The following AGMO variants were observed in gnomAD, a reference collection of about 807,000 sequenced individuals.
AGMO encodes alkylglycerol monooxygenase.
In AGMO, 75 loss-of-function variants were observed where a neutral mutation model predicts 60.2. That is an observed-to-expected ratio of 1.25 (90% CI 1.03 to 1.51). The LOEUF (loss-of-function observed/expected upper bound fraction) is 1.51. AGMO is among the 40% of genes most tolerant of loss of function. The pLI, the probability that AGMO is intolerant of heterozygous loss-of-function variation, is 0.00. For synonymous variants in AGMO, 261 were observed against 177.1 expected (o/e 1.47, Z -3.76); for missense variants, 763 against 525.5 (o/e 1.45, Z -4.42).
At chr7:15,323,146 T>A (rs1483835808) in intron 12 of AGMO, among the ~76,000 whole-genome samples, 2 of 151,940 alleles carry the variant, frequency 1.3e-5, no homozygotes, top group African/African-American at 4.8e-5. Flanking sequence ...GACTTCTTTA[T>A]AATTTCCAAT....
chr7:15,456,029 A>C (rs1005124633), intron 3 of AGMO, among the ~76,000 whole-genome samples: 1 of 152,058 alleles, frequency 6.6e-6, no homozygotes, highest in Non-Finnish European at 1.5e-5. Context: ...GGAGAAAAAC[A>C]TGTTGGCTAT....
chr7:15,376,757 C>A (rs1164226764), intron 10 of AGMO, among the ~76,000 whole-genome samples: 1 of 151,936 alleles, frequency 6.6e-6, no homozygotes, highest in African/African-American at 2.4e-5. Flanking sequence ...ATGATATCAC[C>A]CCAGGAAGTG....
chr7:15,439,652 G>C (rs1007182173), intron 3 of AGMO, among the ~76,000 whole-genome samples: 1 of 152,088 alleles, frequency 6.6e-6, no homozygotes. Flanking sequence ...CTTGTTCTTT[G>C]AGCATCACTG....
At chr7:15,230,032 T>C (rs1782212068) in intron 12 of AGMO, among the ~76,000 whole-genome samples, 3 of 151,918 alleles carry the variant, frequency 2.0e-5, no homozygotes, top group Non-Finnish European at 1.5e-5. Context: ...TTTACATTAA[T>C]TTCTTATTTT....
Position 15,255,026 on chromosome 7 carries a change from C to G in AGMO, c.1264-53667G>C, listed in dbSNP as rs567365888. Among the ~76,000 whole-genome samples, 6 of 149,446 alleles carry G rather than the reference C, an allele frequency of 4.0e-5. No homozygotes were observed. In the East Asian group the frequency reaches 1.2e-3, roughly 30 times the overall value. On this transcript the variant is annotated intron_variant, in intron 12 of 12. Coordinates refer to ENST00000342526, the MANE Select transcript of AGMO (RefSeq NM_001004320.2). The stretch of plus-strand genomic sequence containing the variant: ...ATATACACCATGGAATACTATGCAG[C>G]CATAAAAAAAGATGAGTTCATGTCC...
chr7:15,289,546 G>C (rs1784195454), intron 12 of AGMO, among the ~76,000 whole-genome samples: 1 of 141,984 alleles, frequency 7.0e-6, no homozygotes, highest in Non-Finnish European at 1.5e-5. Flanking sequence ...CTCCAAAAAA[G>C]AAATTTAAAG....
chr7:15,309,018 A>G (rs1780690675), intron 12 of AGMO, among the ~76,000 whole-genome samples: 1 of 152,130 alleles, frequency 6.6e-6, no homozygotes, highest in Admixed American at 6.6e-5. Flanking sequence ...TACTCATGCA[A>G]TTATCCCAAG....
chr7:15,538,729 TTC>T (rs1784542693), intron 3 of AGMO, among the ~76,000 whole-genome samples: 1 of 152,220 alleles, frequency 6.6e-6, no homozygotes, highest in South Asian at 2.1e-4. Flanking sequence ...TCTGTTTATT[TTC>T]TTTTTTAAAC....
At chr7:15,397,055 G>C (rs1049095008) in intron 5 of AGMO, among the ~76,000 whole-genome samples, 1 of 152,062 alleles carries the variant, frequency 6.6e-6, no homozygotes, top group South Asian at 2.1e-4. Flanking sequence ...GTCACCACCG[G>C]TCCCAGAAGC....
chr7:15,520,335 G>A lies in AGMO; in HGVS notation c.409+24437C>T, dbSNP rs188176937. ...ATATTCAGGTTGTGAACTCAGCTCT[G>A]CATCAAGCAGACCTAATAGACATCT... On this transcript the variant is annotated intron_variant, in intron 3 of 12. Transcript: ENST00000342526. Among the ~76,000 whole-genome samples, 1,374 of 152,248 alleles carry A rather than the reference G, an allele frequency of 9.0e-3. 22 individuals carry two copies. Among genetic ancestry groups the A allele is most frequent in the African/African-American group, 0.031 (1,298 of 41,540 alleles).
At chr7:15,121,646 A>T in the AGMO span, among the ~76,000 whole-genome samples, 1 of 152,126 alleles carries the variant, frequency 6.6e-6, no homozygotes, top group South Asian at 2.1e-4. Context: ...TAAAAGAACA[A>T]AGCTGGAGGC....
intron 3 of AGMO, among the ~76,000 whole-genome samples, chr7:15,504,779 T>TA (rs77098444): frequency 0.029 from 3,335 of 116,450 alleles, 73 homozygotes; most frequent in African/African-American, 0.064. Flanking sequence ...CTAGTTAAAA[T>TA]AAAAAAAAAA....
chr7:15,546,924 G>C (rs915882965), intron 2 of AGMO, among the ~76,000 whole-genome samples: 6 of 152,138 alleles, frequency 3.9e-5, no homozygotes, highest in Admixed American at 3.3e-4. Flanking sequence ...AACGTTTACT[G>C]AAACTATGAA....
chr7:15,267,443 A>G (rs1015528915), intron 12 of AGMO, among the ~76,000 whole-genome samples: 37 of 152,160 alleles, frequency 2.4e-4, no homozygotes, highest in African/African-American at 8.7e-4. Context: ...AAAATGCATC[A>G]GAATGATTAC....
chr7:15,247,805 A>T (rs936621752), intron 12 of AGMO, among the ~76,000 whole-genome samples: 3 of 151,956 alleles, frequency 2.0e-5, no homozygotes, highest in African/African-American at 7.3e-5. Flanking sequence ...ACCAAACCAT[A>T]CTAGACAATG....
chr7:15,351,653 T>C (rs1272318238), intron 12 of AGMO, among the ~76,000 whole-genome samples: 1 of 152,316 alleles, frequency 6.6e-6, no homozygotes, highest in East Asian at 1.9e-4. Flanking sequence ...GCTTTTCAAT[T>C]TGGCTTTAGG....
chr7:15,298,747 TATTA>T (rs1251795770), intron 12 of AGMO, among the ~76,000 whole-genome samples: 4 of 152,262 alleles, frequency 2.6e-5, no homozygotes, highest in Admixed American at 6.5e-5. Flanking sequence ...AGCTATAGCC[TATTA>T]ATTGTCATAC....
chr7:15,492,579 G>T (rs1783096215), intron 3 of AGMO, among the ~76,000 whole-genome samples: 1 of 149,804 alleles, frequency 6.7e-6, no homozygotes, highest in Non-Finnish European at 1.5e-5. Context: ...CTCCCTGAAT[G>T]GGTTTGAATA....
chr7:15,300,755 A>T lies in AGMO; in HGVS notation c.1263+64759T>A, dbSNP rs114262512. 7.4e-3 allele frequency among the ~76,000 whole-genome samples: 1,128 copies of T among 152,318 alleles called. 10 individuals are homozygous for T. The highest frequency in any genetic ancestry group is 0.026 in the African/African-American group (1,077 of 41,566). ...CTCCTGGAGGAAATTAGCAAATCTTAAAGGTGTGGATGACATTCTGTAGCA... is the reference window on the plus strand; with the variant it reads ...CTCCTGGAGGAAATTAGCAAATCTTTAAGGTGTGGATGACATTCTGTAGCA... On this transcript the variant is annotated intron_variant, in intron 12 of 12. Transcript: ENST00000342526.
Sources: allele counts gnomAD v4.1 joint callset (sites outside exome capture counted in the v4.1 genomes callset), GRCh38; gene constraint gnomAD v4.1.1; transcripts MANE v1.5; gene names NCBI Gene and HGNC (gene_info 2026-07-23, HGNC 2026-07-21).